MGRN1: variants seen among roughly 807,000 people sequenced by gnomAD.
MGRN1 encodes the protein E3 ubiquitin-protein ligase MGRN1.
MGRN1 carries 29 observed loss-of-function variants against 69.2 expected under a neutral mutation model. The ratio of observed to expected loss-of-function variants is 0.42; its 90% CI spans 0.31 to 0.57. MGRN1 has a LOEUF of 0.57. MGRN1 is among the 20% of genes least tolerant of loss of function. The pLI is 0.15. For synonymous variants in MGRN1, 470 were observed against 344.2 expected (o/e 1.37, Z -4.04); for missense variants, 998 against 796.2 (o/e 1.25, Z -3.05).
chr16:4,631,683 C>A (rs1249042333), intron 1 of MGRN1, among the ~76,000 whole-genome samples: 1 of 152,210 alleles, frequency 6.6e-6, no homozygotes, highest in African/African-American at 2.4e-5. Flanking sequence ...CAACTTTGTT[C>A]TCTTTCAAAA....
chr16:4,670,826 G>C (rs2078922409), intron 8 of MGRN1, among the ~76,000 whole-genome samples: 1 of 152,252 alleles, frequency 6.6e-6, no homozygotes, highest in Non-Finnish European at 1.5e-5. Flanking sequence ...AGCAGGCCCT[G>C]GGCTCCCTGG....
At position 4,671,402 on chromosome 16, in the gene MGRN1, C is replaced by G; in HGVS notation, c.738C>G (p.Val246=). The G allele has an allele frequency of 6.2e-7, 1 of 1,614,064 alleles. No individual in the cohort carries two copies. The highest frequency in any genetic ancestry group is 8.5e-7 in the Non-Finnish European group (1 of 1,179,976). ...TCTCTGCTCTCCAGGTGGACCGGGT[C>G]AGCTACCTCCTGCAGGAGATCTATG... ...PLKQKQIVDR[V]SYLLQEIYGI... Residue 246 remains valine, a synonymous_variant, in exon 9 of 17, where the codon GTC becomes GTG. Coordinates refer to ENST00000262370, the MANE Select transcript of MGRN1 (RefSeq NM_015246.4).
Position 4,681,627 on chromosome 16 carries a change from G to A in MGRN1, c.1209G>A (p.Pro403=), listed in dbSNP as rs375572879. 51 of 1,613,400 alleles carry A rather than the reference G, an allele frequency of 3.2e-5. No individual in the cohort carries two copies. Among genetic ancestry groups the A allele is most frequent in the East Asian group, 6.7e-5 (3 of 44,884 alleles). The change falls in exon 13 of 17, where the codon CCG becomes CCA. Residue 403 remains proline (P), a synonymous_variant. Transcript: ENST00000262370. Reference sequence around the variant, plus strand: ...TCAACGGCCTCCGGGCTGTCTCCCCGGCCATCCCCTCGGCCCCTCTTTATG... The same window carrying A: ...TCAACGGCCTCCGGGCTGTCTCCCCAGCCATCCCCTCGGCCCCTCTTTATG... ...EALNGLRAVS[P]AIPSAPLYEE...
chr16:4,669,335 G>A (rs1216388986), intron 8 of MGRN1: 5 of 151,412 alleles, frequency 3.3e-5, no homozygotes, highest in Non-Finnish European at 5.9e-5. Flanking sequence ...TCAGGAGGAT[G>A]AGGTAGGAGA....
chr16:4,630,414 T>C (rs1188855072), intron 1 of MGRN1, among the ~76,000 whole-genome samples: 1 of 151,110 alleles, frequency 6.6e-6, no homozygotes. Context: ...GTCACAAAGA[T>C]TTTCTCCTAT....
intron 1 of MGRN1, among the ~76,000 whole-genome samples, chr16:4,638,578 C>A (rs932416737): frequency 6.6e-6 from 1 of 152,196 alleles, no homozygotes; most frequent in African/African-American, 2.4e-5. Flanking sequence ...GTGGGTGATA[C>A]AGCTGGGTGG....
Position 4,674,233 on chromosome 16 carries a change from C to T in MGRN1, c.955+576C>T, listed in dbSNP as rs1441195184. On this transcript the variant is annotated intron_variant, in intron 10 of 16. Transcript: ENST00000262370. ...TCCTGGCCTCAAGTAATCTGCCTGC[C>T]TCAGCCTCTCAAAGTGCTGGTGTTA... Among the ~76,000 whole-genome samples, 4 of 152,278 alleles carry T rather than the reference C, an allele frequency of 2.6e-5. No individual in the cohort carries two copies. The East Asian group carries it at 7.7e-4, about 29-fold the overall frequency.
chr16:4,644,006 T>C (rs916659229), intron 1 of MGRN1, among the ~76,000 whole-genome samples: 1 of 152,076 alleles, frequency 6.6e-6, no homozygotes, highest in African/African-American at 2.4e-5. Flanking sequence ...GGAGTCTCGC[T>C]CTGTTGCCCA....
chr16:4,637,202 G>A (rs2141838842), intron 1 of MGRN1, among the ~76,000 whole-genome samples: 1 of 151,834 alleles, frequency 6.6e-6, no homozygotes, highest in African/African-American at 2.4e-5. Context: ...GGCTGAGGCG[G>A]GCAGATCACC....
At chr16:4,677,316 GAA>G in intron 10 of MGRN1, 145 bp from the exon 11 acceptor site, 2 of 429,834 alleles carry the variant, frequency 4.7e-6, no homozygotes, top group Admixed American at 4.1e-5. Context: ...AAAACTAAAA[GAA>G]AAAAAAAAGA....
At position 4,677,513 on chromosome 16, in the gene MGRN1, C is replaced by G. The variant is rs1034798304; in HGVS notation, c.1006C>G (p.Leu336Val). Reference protein sequence around the residue: ...IRAVRKKPGALSPVSFSPVLA... With the variant: ...IRAVRKKPGAVSPVSFSPVLA... ...GGCGGTGCGGAAGAAGCCAGGAGCC[C>G]TGTCCCCCGTGTCCTTCAGCCCCGT... The change falls in exon 11 of 17, where the codon CTG (leucine) becomes GTG (valine). Residue 336 changes from leucine (L) to valine (V), a missense_variant. By Grantham distance (32) the Leu-to-Val change is conservative. Transcript: ENST00000262370. 4 of 1,596,060 alleles carry G rather than the reference C, an allele frequency of 2.5e-6. No homozygotes were observed. The highest frequency in any genetic ancestry group is 4.5e-5 in the East Asian group (2 of 44,470).
intron 5 of MGRN1, chr16:4,664,089 T>C (rs1413997201): frequency 6.4e-6 from 1 of 156,060 alleles, no homozygotes; most frequent in Non-Finnish European, 1.4e-5. Context: ...CGGTGTCCAG[T>C]GCAGCGCTGC....
chr16:4,626,743 A>G (rs1433785143), intron 1 of MGRN1, among the ~76,000 whole-genome samples: 1 of 152,212 alleles, frequency 6.6e-6, no homozygotes, highest in Non-Finnish European at 1.5e-5. Context: ...TCGGGATCCC[A>G]CTGTGGCTGA....
chr16:4,678,113 C>G (rs985671717), intron 11 of MGRN1, among the ~76,000 whole-genome samples: 15 of 152,224 alleles, frequency 9.9e-5, no homozygotes, highest in African/African-American at 3.1e-4. Flanking sequence ...TCCCACAGTG[C>G]TGGGATTACA....
chr16:4,642,698 C>G (rs929011152), intron 1 of MGRN1, among the ~76,000 whole-genome samples: 1 of 151,428 alleles, frequency 6.6e-6, no homozygotes, highest in African/African-American at 2.4e-5. Flanking sequence ...GACGGCAGAC[C>G]TCAAGTGATT....
At position 4,676,703 on chromosome 16, in the gene MGRN1, A is replaced by C. The variant is rs536285449; in HGVS notation, c.956-760A>C. ...GGTTTCCTGGCCTGCACACGTCACT[A>C]AAGGTGTCTCAGGAACATTCTACAG... On this transcript the variant is annotated intron_variant, in intron 10 of 16. Transcript: ENST00000262370. 1.1e-4 allele frequency among the ~76,000 whole-genome samples: 16 copies of C among 152,186 alleles called. No individual in the cohort carries two copies. The East Asian group carries it at 2.9e-3, about 28-fold the overall frequency.
chr16:4,652,899 C>G, intron 4 of MGRN1, 75 bp downstream of exon 4: 1 of 1,464,618 alleles, frequency 6.8e-7, no homozygotes, highest in Non-Finnish European at 9.1e-7. Context: ...GTCCACCTTA[C>G]TAACCAGAGG....
At chr16:4,676,184 G>T (rs957248132) in intron 10 of MGRN1, among the ~76,000 whole-genome samples, 1 of 152,242 alleles carries the variant, frequency 6.6e-6, no homozygotes, top group Non-Finnish European at 1.5e-5. Flanking sequence ...GGAGGGAGAG[G>T]CCGGCCGCCC....
chr16:4,641,865 G>C (rs976411881), intron 1 of MGRN1, among the ~76,000 whole-genome samples: 9 of 152,142 alleles, frequency 5.9e-5, no homozygotes, highest in Non-Finnish European at 1.3e-4. Context: ...TGTCGCCCAG[G>C]CTGGTCTGAA....
Sources: gnomAD v4.1 joint callset for allele counts (sites outside exome capture counted in the v4.1 genomes callset) on GRCh38, gnomAD v4.1.1 for gene constraint, MANE v1.5 for transcripts, NCBI Gene and HGNC (gene_info 2026-07-23, HGNC 2026-07-21) for gene names.